The following EPS15 variants were observed in gnomAD, a reference collection of about 807,000 sequenced individuals.
EPS15 encodes epidermal growth factor receptor pathway substrate 15.
Under a neutral mutation model 113.8 loss-of-function variants are expected in EPS15, and 72 were observed. The observed-to-expected ratio is 0.63, with a 90% CI of 0.52 to 0.77. EPS15 has a LOEUF of 0.77. Among genes scored for constraint, EPS15 ranks in the 30% least tolerant of loss-of-function variants. EPS15 has a pLI of 0.00. For missense variants in EPS15, 1,048 were observed against 1,045.8 expected (o/e 1.00, Z -0.03); for synonymous variants, 344 against 363.4 (o/e 0.95, Z 0.61).
At chr1:51,508,304 AAG>A (rs1388790449) in intron 1 of EPS15, among the ~76,000 whole-genome samples, 1 of 122,592 alleles carries the variant, frequency 8.2e-6, no homozygotes, top group Non-Finnish European at 1.7e-5. Flanking sequence ...GAGAGAGAGA[AAG>A]AGAGAAAGAG....
rs1646184309 is a variant in EPS15 at position 51,354,820 on chromosome 1, C to T, written c.*1880G>A. The T allele has an allele frequency of 5.0e-6, 1 of 198,640 alleles. No homozygotes were observed. The highest frequency in any genetic ancestry group is 6.0e-5 in the Admixed American group (1 of 16,574). 12.3% of individuals were successfully genotyped at this position (198,640 alleles called of 1,614,324 possible). A position where few individuals can be genotyped will look rare whatever the true frequency, so the allele number is the denominator to read the frequency against. Reference sequence around the variant, plus strand: ...ACATAAGATTAGGATACATTTATTACATTGAAAGTTGGTGTTTATAAGTTA... The same window carrying T: ...ACATAAGATTAGGATACATTTATTATATTGAAAGTTGGTGTTTATAAGTTA... On this transcript the variant is annotated 3_prime_UTR_variant, in exon 25 of 25. Coordinates refer to ENST00000371733, the MANE Select transcript of EPS15 (RefSeq NM_001981.3).
At chr1:51,373,234 C>A (rs1017761944) in intron 21 of EPS15, 8 of 153,988 alleles carry the variant, frequency 5.2e-5, no homozygotes, top group African/African-American at 1.7e-4. Context: ...GTTAAAGATG[C>A]AGCTTTTTAA....
intron 20 of EPS15, among the ~76,000 whole-genome samples, chr1:51,395,202 G>C (rs867488081): frequency 8.5e-5 from 13 of 152,118 alleles, no homozygotes; most frequent in African/African-American, 3.1e-4. Context: ...TGTAAAGATA[G>C]TACAGAGTTC....
chr1:51,486,886 T>G (rs976828888), intron 1 of EPS15, among the ~76,000 whole-genome samples: 2 of 152,086 alleles, frequency 1.3e-5, no homozygotes, highest in African/African-American at 4.8e-5. Flanking sequence ...GCCAGGCTAG[T>G]CTTGAACTCC....
intron 21 of EPS15, among the ~76,000 whole-genome samples, chr1:51,371,216 A>C (rs1049430831): frequency 3.9e-5 from 6 of 152,134 alleles, no homozygotes; most frequent in African/African-American, 1.4e-4. Context: ...TGCCTGGCCA[A>C]TCGTTATTTT....
At chr1:51,499,702 G>A (rs994542284) in intron 1 of EPS15, among the ~76,000 whole-genome samples, 2 of 151,824 alleles carry the variant, frequency 1.3e-5, no homozygotes, top group African/African-American at 4.8e-5. Context: ...TAATGATGTT[G>A]AAAATTTTCT....
rs144184076 is a variant in EPS15 at position 51,454,831 on chromosome 1, T to C, written c.561+6260A>G. On this transcript the variant is annotated intron_variant, in intron 8 of 24. Coordinates refer to ENST00000371733, the MANE Select transcript of EPS15 (RefSeq NM_001981.3). ...AGTTTTGACAGATGTACCATGGTAA[T>C]GTAATATGGTAAAAAGGGAAAACAG... 3.3e-3 allele frequency among the ~76,000 whole-genome samples: 503 copies of C among 152,008 alleles called. 4 individuals carry two copies. The highest frequency in any genetic ancestry group is 0.011 in the African/African-American group (474 of 41,436).
At chr1:51,475,666 G>A (rs1029805372) in intron 2 of EPS15, among the ~76,000 whole-genome samples, 33 of 152,020 alleles carry the variant, frequency 2.2e-4, no homozygotes, top group Admixed American at 5.2e-4. Flanking sequence ...TTTGCTGTGT[G>A]GAAGCTCTCT....
At chr1:51,500,957 C>T (rs893753516) in intron 1 of EPS15, among the ~76,000 whole-genome samples, 1 of 149,124 alleles carries the variant, frequency 6.7e-6, no homozygotes, top group African/African-American at 2.5e-5. Context: ...GCACTCCAGC[C>T]TGGGCAACAA....
At chr1:51,401,088 G>A in intron 18 of EPS15, 135 bp from the exon 19 acceptor site, 1 of 563,820 alleles carries the variant, frequency 1.8e-6, no homozygotes, top group Non-Finnish European at 3.2e-6. Flanking sequence ...GATAAAATAA[G>A]GAATGTCATT....
chr1:51,494,754 C>T (rs1644297212), intron 1 of EPS15, among the ~76,000 whole-genome samples: 1 of 152,254 alleles, frequency 6.6e-6, no homozygotes, highest in African/African-American at 2.4e-5. Flanking sequence ...TACCTCCAAT[C>T]TTCCCATGCC....
At chr1:51,461,224 G>T in intron 7 of EPS15, 74 bp from the exon 8 acceptor site, 1 of 1,116,370 alleles carries the variant, frequency 9.0e-7, no homozygotes. Context: ...AGAAAAGAAA[G>T]TTTATGAGCT....
intron 19 of EPS15, among the ~76,000 whole-genome samples, chr1:51,400,709 C>CA (rs1648434408): frequency 5.2e-5 from 2 of 38,728 alleles, no homozygotes; most frequent in African/African-American, 1.1e-4. Flanking sequence ...AAACAAAAAA[C>CA]ACCAAAAAAA....
intron 1 of EPS15, among the ~76,000 whole-genome samples, chr1:51,509,052 C>G (rs560861312): frequency 6.6e-6 from 1 of 152,268 alleles, no homozygotes; most frequent in Admixed American, 6.5e-5. Context: ...CATCCTTTAT[C>G]ACAGTACTTG....
intron 12 of EPS15, among the ~76,000 whole-genome samples, chr1:51,437,053 TTTAA>T (rs1348240016): frequency 2.6e-5 from 4 of 152,232 alleles, no homozygotes; most frequent in African/African-American, 7.2e-5. Context: ...AATTAAATCA[TTTAA>T]TTAATAGCAA....
chr1:51,400,730 A>G (rs1648448579), intron 19 of EPS15, among the ~76,000 whole-genome samples, 188 bp downstream of exon 19: 2 of 149,480 alleles, frequency 1.3e-5, no homozygotes, highest in South Asian at 4.2e-4. Flanking sequence ...AAAAAAAAAA[A>G]AAAAAGAAGA....
At chr1:51,411,518 T>C (rs184891730) in intron 13 of EPS15, among the ~76,000 whole-genome samples, 12 of 152,384 alleles carry the variant, frequency 7.9e-5, no homozygotes, top group Non-Finnish European at 1.3e-4. Flanking sequence ...GTCCTTATTT[T>C]AAGAGACTTG....
chr1:51,462,907 T>C (rs937237428), intron 7 of EPS15, among the ~76,000 whole-genome samples: 3 of 144,540 alleles, frequency 2.1e-5, no homozygotes, highest in African/African-American at 7.7e-5. Flanking sequence ...TAAGACAGTC[T>C]TGCTTGTCGC....
rs548683339 is a variant in EPS15, at chr1:51,373,640, G to C, written c.2120-7611C>G. 9.8e-5 allele frequency among the ~76,000 whole-genome samples: 15 copies of C among 152,286 alleles called. No individual in the cohort carries two copies. In the South Asian group the frequency reaches 2.9e-3, roughly 29 times the overall value. On this transcript the variant is annotated intron_variant, in intron 21 of 24. Coordinates refer to ENST00000371733, the MANE Select transcript of EPS15 (RefSeq NM_001981.3). The stretch of plus-strand genomic sequence containing the variant: ...ACCCTTCTGAACTCTGCTGAGAATA[G>C]TGCATCATGTTTTGGACCTGTAGTT...
Sources: gnomAD v4.1 joint callset for allele counts (sites outside exome capture counted in the v4.1 genomes callset) on GRCh38, gnomAD v4.1.1 for gene constraint, MANE v1.5 for transcripts, NCBI Gene and HGNC (gene_info 2026-07-23, HGNC 2026-07-21) for gene names.